KDM1B: variants seen among roughly 807,000 people sequenced by gnomAD.
KDM1B encodes the protein lysine-specific histone demethylase 2.
KDM1B carries 63 observed loss-of-function variants against 107.4 expected under a neutral mutation model. That is an observed-to-expected ratio of 0.59 (90% CI 0.48 to 0.72). The LOEUF is 0.72. Among genes scored for constraint, KDM1B ranks in the 30% least tolerant of loss-of-function variants. KDM1B has a pLI of 0.00. For missense variants in KDM1B, 749 were observed against 1,020.8 expected (o/e 0.73, Z 3.63); for synonymous variants, 363 against 363.9 (o/e 1.00, Z 0.03).
rs73726731 is a variant in KDM1B, at chr6:18,199,407, G to A, written c.1222-1032G>A. On this transcript the variant is annotated intron_variant, in intron 12 of 21. Coordinates refer to ENST00000650836, the MANE Select transcript of KDM1B (RefSeq NM_001364614.2). ...GGAGGGAAATAGATTCCTCTGAGTA[G>A]CCTGAAAGATGGTTAACTTGGGGAA... Among the ~76,000 whole-genome samples, 400 of 152,316 alleles carry A rather than the reference G, an allele frequency of 2.6e-3. 2 individuals are homozygous for A. The highest frequency in any genetic ancestry group is 9.0e-3 in the African/African-American group (376 of 41,570).
intron 7 of KDM1B, among the ~76,000 whole-genome samples, chr6:18,180,754 C>T (rs145792438): frequency 0.017 from 2,513 of 152,218 alleles, 39 homozygotes; most frequent in Non-Finnish European, 0.024. Context: ...TTAGTAGAGA[C>T]GGAGTTTCAC....
In KDM1B at chr6:18,201,569, G is replaced by A. The variant is rs1254551358; in HGVS notation, c.1443G>A (p.Lys481=). ...GAATAACTGACCCCACTATTGACAA[G>A]CGCATGGATTTTCATTTTAATGCTC... ...GGRITDPTID[K]RMDFHFNALL... Residue 481 remains lysine (K), a synonymous_variant, in exon 14 of 22, where the codon AAG becomes AAA. Transcript: ENST00000650836. The surrounding 1 kb of genome is among the most constrained non-coding windows in gnomAD (Gnocchi z 4.3). 3 of 1,550,012 alleles carry A rather than the reference G, an allele frequency of 1.9e-6. No individual in the cohort carries two copies. Among genetic ancestry groups the A allele is most frequent in the African/African-American group, 1.4e-5 (1 of 73,012 alleles).
chr6:18,181,861 T>G (rs1281817121), intron 7 of KDM1B, among the ~76,000 whole-genome samples: 1 of 152,172 alleles, frequency 6.6e-6, no homozygotes, highest in East Asian at 1.9e-4. Flanking sequence ...TCAGAAAAAA[T>G]AAATTATATA....
chr6:18,172,042 G>A lies in KDM1B; in HGVS notation c.534+563G>A, dbSNP rs930676397. On this transcript the variant is annotated intron_variant, in intron 7 of 21. Coordinates refer to ENST00000650836, the MANE Select transcript of KDM1B (RefSeq NM_001364614.2). This position sits in a 1 kb window ranked among gnomAD's most constrained non-coding sequence, Gnocchi z 5.2. ...ATATAATGATGTTGACACCATAAAT[G>A]CAGCTTCCCTAACTATAGTGAGGAC... is the stretch of plus-strand genomic sequence containing the variant. Among the ~76,000 whole-genome samples, 2 of 152,166 alleles carry A rather than the reference G, an allele frequency of 1.3e-5. No individual in the cohort carries two copies. The highest frequency in any genetic ancestry group is 2.9e-5 in the Non-Finnish European group (2 of 68,038).
intron 2 of KDM1B, among the ~76,000 whole-genome samples, chr6:18,156,460 A>G (rs746210143): frequency 1.3e-5 from 2 of 152,146 alleles, no homozygotes; most frequent in South Asian, 4.1e-4. Flanking sequence ...GGCTTTGACC[A>G]GTTTTGTTTT....
chr6:18,179,604 G>T (rs1030173862), intron 7 of KDM1B, among the ~76,000 whole-genome samples: 1 of 151,990 alleles, frequency 6.6e-6, no homozygotes, highest in Non-Finnish European at 1.5e-5. Flanking sequence ...ATTTTGGAAG[G>T]TTGTGTTTTT....
In KDM1B at chr6:18,197,121, G is replaced by C. The variant is rs1787702427; in HGVS notation, c.1034G>C (p.Cys345Ser). ...GTCCGGGGTCTCGTGCGTATTCGAT[G>C]CGTTCAGGAAGTGGAGAGAATACTG... ...IIVRGLVRIR[C>S]VQEVERILYF... The change falls in exon 11 of 22, where the codon TGC becomes TCC. Residue 345 changes from cysteine to serine, a missense_variant. Coordinates refer to ENST00000650836, the MANE Select transcript of KDM1B (RefSeq NM_001364614.2). This position sits in a 1 kb window ranked among gnomAD's most constrained non-coding sequence, Gnocchi z 4.5. The C allele has an allele frequency of 6.2e-7, 1 of 1,613,918 alleles. No homozygotes were observed. The highest frequency in any genetic ancestry group is 1.1e-5 in the South Asian group (1 of 91,074).
At chr6:18,198,288 A>G (rs934368485) in intron 12 of KDM1B, among the ~76,000 whole-genome samples, 7 of 152,148 alleles carry the variant, frequency 4.6e-5, no homozygotes, top group Non-Finnish European at 8.8e-5. Context: ...AAATAGTAGC[A>G]TGGATATTCA....
At chr6:18,215,396 C>T (rs214584) in intron 20 of KDM1B, among the ~76,000 whole-genome samples, 11 of 152,286 alleles carry the variant, frequency 7.2e-5, no homozygotes, top group East Asian at 1.9e-4. Context: ...ATCGAGGTGT[C>T]GGCAGGGTTG....
chr6:18,209,478 G>A lies in KDM1B; in HGVS notation c.1866+1272G>A, dbSNP rs530249665. Among the ~76,000 whole-genome samples the A allele has an allele frequency of 1.3e-5, 2 of 152,316 alleles. No homozygotes were observed. Among genetic ancestry groups the A allele is most frequent in the East Asian group, 1.9e-4 (1 of 5,190 alleles). On this transcript the variant is annotated intron_variant, in intron 17 of 21. Coordinates refer to ENST00000650836, the MANE Select transcript of KDM1B (RefSeq NM_001364614.2). The surrounding 1 kb of genome is among the most constrained non-coding windows in gnomAD (Gnocchi z 4.3). ...GGCAGGGGATCCTAACATTATTCCT[G>A]CCATTAACCAACTCGGAGATCTTGG...
At chr6:18,194,168 C>T (rs937924291) in intron 10 of KDM1B, among the ~76,000 whole-genome samples, 4 of 151,968 alleles carry the variant, frequency 2.6e-5, no homozygotes, top group Admixed American at 1.3e-4. Context: ...TGCACTACCA[C>T]GCCTGGCTAA....
intron 15 of KDM1B, among the ~76,000 whole-genome samples, chr6:18,206,786 C>A (rs868107122): frequency 1.3e-5 from 2 of 152,026 alleles, no homozygotes; most frequent in Non-Finnish European, 2.9e-5. Flanking sequence ...TCTGTGGAAC[C>A]GTGGAGTCGG....
intron 6 of KDM1B, among the ~76,000 whole-genome samples, chr6:18,167,619 A>G (rs769757209): frequency 6.6e-6 from 1 of 151,074 alleles, no homozygotes; most frequent in Non-Finnish European, 1.5e-5. Flanking sequence ...GACTCTCCGC[A>G]CATGCTACCA....
Position 18,155,567 on chromosome 6 carries a change from C to A in KDM1B, c.-62C>A. 6.5e-6 allele frequency: 1 copy of A among 152,968 alleles called. No homozygotes were observed. The highest frequency in any genetic ancestry group is 1.8e-4 in the South Asian group (1 of 5,520). 9.5% of individuals were successfully genotyped at this position (152,968 alleles called of 1,614,324 possible). ...CGGCGCGCACCGCCTCGCTGGCGCTCAGAGGTGGGAGGCTCCCCACTCCGG... is the reference window on the plus strand; with the variant it reads ...CGGCGCGCACCGCCTCGCTGGCGCTAAGAGGTGGGAGGCTCCCCACTCCGG... On this transcript the variant is annotated 5_prime_UTR_variant, in exon 1 of 22. Transcript: ENST00000650836. The surrounding 1 kb of genome is among the most constrained non-coding windows in gnomAD (Gnocchi z 6.2).
At chr6:18,164,273 G>A (rs1001341023) in intron 5 of KDM1B, among the ~76,000 whole-genome samples, 16 of 152,060 alleles carry the variant, frequency 1.1e-4, no homozygotes, top group African/African-American at 3.9e-4. Flanking sequence ...GATTACAGGC[G>A]TGCACTACCG....
intron 2 of KDM1B, among the ~76,000 whole-genome samples, chr6:18,158,328 A>C (rs2150747888): frequency 6.6e-6 from 1 of 151,168 alleles, no homozygotes; most frequent in Admixed American, 6.6e-5. Context: ...CTTCACAAAA[A>C]AAAAAAAAAA....
intron 21 of KDM1B, among the ~76,000 whole-genome samples, chr6:18,221,642 T>G (rs575077805): frequency 4.6e-5 from 7 of 152,202 alleles, no homozygotes; most frequent in Non-Finnish European, 8.8e-5. Context: ...GTGTCTTAAT[T>G]GTTCTTAACT....
rs1000218763 is a variant in KDM1B at position 18,186,586 on chromosome 6, T to C, written c.573+776T>C. Among the ~76,000 whole-genome samples, 1 of 152,194 alleles carries C rather than the reference T, an allele frequency of 6.6e-6. No homozygotes were observed. Among genetic ancestry groups the C allele is most frequent in the African/African-American group, 2.4e-5 (1 of 41,444 alleles). ...TATAAAAGGGTGTTTGCATGTGTAT[T>C]AGTCCGTTCTCACGCTGCTTGCTAT... is the stretch of plus-strand genomic sequence containing the variant. On this transcript the variant is annotated intron_variant, in intron 8 of 21. Transcript: ENST00000650836. This position sits in a 1 kb window ranked among gnomAD's most constrained non-coding sequence, Gnocchi z 5.6.
In KDM1B at chr6:18,197,519, C is replaced by G. The variant is rs76815350; in HGVS notation, c.1147-68C>G. 3 of 1,255,292 alleles carry G rather than the reference C, an allele frequency of 2.4e-6. No homozygotes were observed. The highest frequency in any genetic ancestry group is 3.5e-6 in the Non-Finnish European group (3 of 865,002). 77.8% of individuals were successfully genotyped at this position (1,255,292 alleles called of 1,614,324 possible). On this transcript the variant is annotated intron_variant, in intron 11 of 21. Transcript: ENST00000650836. The surrounding 1 kb of genome is among the most constrained non-coding windows in gnomAD (Gnocchi z 4.5). ...AATGAACGAATTTGCTCTGCAGTTC[C>G]GGAACAACTAAAACAGGACGTTGTT...
Sources: allele counts gnomAD v4.1 joint callset (sites outside exome capture counted in the v4.1 genomes callset), GRCh38; gene constraint gnomAD v4.1.1; non-coding constraint Gnocchi (gnomAD v3.1); transcripts MANE v1.5; gene names NCBI Gene and HGNC (gene_info 2026-07-23, HGNC 2026-07-21).